Variants in SMARCA2 observed in about 807,000 individuals in gnomAD.
SMARCA2 encodes SWI/SNF-related matrix-associated actin-dependent regulator of chromatin subfamily A member 2.
SMARCA2 carries 61 observed loss-of-function variants against 199.8 expected under a neutral mutation model. The observed-to-expected ratio is 0.31, with a 90% CI of 0.25 to 0.38. The LOEUF (loss-of-function observed/expected upper bound fraction) is 0.38. Ranked by LOEUF, SMARCA2 falls within the 10% of genes least tolerant of loss-of-function variation. SMARCA2 has a pLI of 1.00. For synonymous variants in SMARCA2, 935 were observed against 732.0 expected (o/e 1.28, Z -4.48); for missense variants, 1,344 against 2,012.2 (o/e 0.67, Z 6.35).
intron 27 of SMARCA2, among the ~76,000 whole-genome samples, chr9:2,126,997 C>A (rs1199059336): frequency 6.6e-6 from 1 of 152,140 alleles, no homozygotes; most frequent in Admixed American, 6.5e-5. Context: ...TATCACAGCC[C>A]CATGGATAAA....
At chr9:2,095,434 T>C (rs67693892) in intron 19 of SMARCA2, among the ~76,000 whole-genome samples, 19,365 of 152,122 alleles carry the variant, frequency 0.13, 1,418 homozygotes, top group East Asian at 0.27. Flanking sequence ...TTTAAACATA[T>C]AACATGATCA....
chr9:2,190,892 T>A (rs1827832279), intron 32 of SMARCA2, among the ~76,000 whole-genome samples: 1 of 152,200 alleles, frequency 6.6e-6, no homozygotes, highest in African/African-American at 2.4e-5. Context: ...TTACATTTAT[T>A]TATATTTTTA....
chr9:2,182,285 T>C, intron 31 of SMARCA2, 43 bp downstream of exon 31: 2 of 1,166,708 alleles, frequency 1.7e-6, no homozygotes, highest in Non-Finnish European at 1.3e-6. Context: ...ACTGTAAATG[T>C]GCCCGTTGTT....
At chr9:2,102,102 A>G (rs928988960) in intron 22 of SMARCA2, among the ~76,000 whole-genome samples, 3 of 152,100 alleles carry the variant, frequency 2.0e-5, no homozygotes, top group African/African-American at 4.8e-5. Context: ...TTGACTTGCA[A>G]CAACAAAAAT....
At chr9:2,032,741 CAAA>C in intron 2 of SMARCA2, 1 of 405,666 alleles carries the variant, frequency 2.5e-6, no homozygotes, top group Non-Finnish European at 4.4e-6. Context: ...AACAAACAAA[CAAA>C]AAAACAACCC....
intron 27 of SMARCA2, among the ~76,000 whole-genome samples, chr9:2,138,575 C>A (rs951588441): frequency 6.6e-5 from 10 of 152,126 alleles, no homozygotes; most frequent in Non-Finnish European, 1.2e-4. Flanking sequence ...TCCCATAGTC[C>A]GTTCTTCTCT....
rs143228291 is a variant in SMARCA2 at position 2,062,102 on chromosome 9, G to A, written c.1692+1116G>A. ...AGTTAGTGAGGAACATATACGTAAG[G>A]GGGGAGGGAAGAATGATGGGGAAAT... is the stretch of plus-strand genomic sequence containing the variant. On this transcript the variant is annotated intron_variant, in intron 9 of 33. Transcript: ENST00000349721. Among the ~76,000 whole-genome samples the A allele has an allele frequency of 4.7e-3, 715 of 152,284 alleles. 6 individuals are homozygous for A. Among genetic ancestry groups the A allele is most frequent in the African/African-American group, 0.017 (694 of 41,566 alleles).
At chr9:2,137,861 A>G (rs952295103) in intron 27 of SMARCA2, among the ~76,000 whole-genome samples, 1 of 152,244 alleles carries the variant, frequency 6.6e-6, no homozygotes, top group Non-Finnish European at 1.5e-5. Flanking sequence ...CAAAGACAGT[A>G]GAATCATGTT....
intron 26 of SMARCA2, among the ~76,000 whole-genome samples, chr9:2,122,855 A>G (rs1193207970): frequency 6.6e-6 from 1 of 152,198 alleles, no homozygotes; most frequent in Non-Finnish European, 1.5e-5. Context: ...ATATAGTGGC[A>G]GTTTATTTTT....
intron 27 of SMARCA2, among the ~76,000 whole-genome samples, chr9:2,154,782 G>C (rs1038379988): frequency 1.3e-5 from 2 of 152,202 alleles, no homozygotes; most frequent in African/African-American, 4.8e-5. Flanking sequence ...TATTCTTTGT[G>C]AGCATTAAAA....
intron 6 of SMARCA2, 145 bp downstream of exon 6, chr9:2,054,868 C>A: frequency 1.3e-6 from 1 of 758,470 alleles, no homozygotes; most frequent in Non-Finnish European, 2.0e-6. Context: ...TCTTTTAGAC[C>A]AACAGCTTAC....
rs963474385 is a variant in SMARCA2 at position 2,170,625 on chromosome 9, T to G, written c.4253+153T>G. Among the ~76,000 whole-genome samples the G allele has an allele frequency of 1.3e-5, 2 of 152,190 alleles. No homozygotes were observed. Among genetic ancestry groups the G allele is most frequent in the African/African-American group, 4.8e-5 (2 of 41,424 alleles). On this transcript the variant is annotated intron_variant, in intron 29 of 33. Transcript: ENST00000349721. This position sits in a 1 kb window ranked among gnomAD's most constrained non-coding sequence, Gnocchi z 4.7. ...GAGAGCGGGATAGAGGCACAGATAC[T>G]CTTAAACAGCTGTCATGGCTTCTGA...
intron 9 of SMARCA2, among the ~76,000 whole-genome samples, chr9:2,066,764 A>T (rs762542598): frequency 2.0e-5 from 3 of 152,236 alleles, no homozygotes; most frequent in Non-Finnish European, 2.9e-5. Context: ...AACGATGCAG[A>T]TAACTACATA....
intron 9 of SMARCA2, 35 bp downstream of exon 9, chr9:2,061,021 T>C: frequency 6.3e-7 from 1 of 1,599,592 alleles, no homozygotes; most frequent in Non-Finnish European, 8.5e-7. Flanking sequence ...GAGTCCAGGG[T>C]GTATGGGCAG....
In SMARCA2 at chr9:2,119,607, G is replaced by A; in HGVS notation, c.3762+72G>A. On this transcript the variant is annotated intron_variant, in intron 26 of 33. Coordinates refer to ENST00000349721, the MANE Select transcript of SMARCA2 (RefSeq NM_003070.5). This position sits in a 1 kb window ranked among gnomAD's most constrained non-coding sequence, Gnocchi z 4.6. ...CCTTTTTCTGTTAAGCAGAATGTCT[G>A]CAGCCTGCGTGCCTGGCAGAACTTC... 2 of 1,047,434 alleles carry A rather than the reference G, an allele frequency of 1.9e-6. No individual in the cohort carries two copies. Among genetic ancestry groups the A allele is most frequent in the Non-Finnish European group, 1.5e-6 (1 of 676,782 alleles). 64.9% of individuals were successfully genotyped at this position (1,047,434 alleles called of 1,614,324 possible). A position where few individuals can be genotyped will look rare whatever the true frequency, so the allele number is the denominator to read the frequency against.
At chr9:2,184,137 C>G (rs1168496151) in intron 31 of SMARCA2, among the ~76,000 whole-genome samples, 1 of 152,112 alleles carries the variant, frequency 6.6e-6, no homozygotes, top group African/African-American at 2.4e-5. Context: ...TTGCTGAGGT[C>G]TAAGGTAAGT....
intron 27 of SMARCA2, among the ~76,000 whole-genome samples, chr9:2,127,088 C>T (rs1308906925): frequency 6.6e-6 from 1 of 152,170 alleles, no homozygotes; most frequent in Non-Finnish European, 1.5e-5. Flanking sequence ...CCTTCAAGGC[C>T]CAATTCAGTT....
At position 2,033,092 on chromosome 9, in the gene SMARCA2, G is replaced by A. The variant is rs991726998; in HGVS notation, c.355+11G>A. The A allele has an allele frequency of 5.0e-6, 8 of 1,612,852 alleles. No homozygotes were observed. In the East Asian group the frequency reaches 6.7e-5, roughly 13 times the overall value. ...ATCAACACAGCCAAGGTTTGTGTCC[G>A]CTGCACACCTGATACTGGTTCCCCA... On this transcript the variant is annotated intron_variant, in intron 3 of 33. Coordinates refer to ENST00000349721, the MANE Select transcript of SMARCA2 (RefSeq NM_003070.5).
At chr9:2,101,168 T>G (rs1283763072) in intron 21 of SMARCA2, among the ~76,000 whole-genome samples, 1 of 152,096 alleles carries the variant, frequency 6.6e-6, no homozygotes, top group African/African-American at 2.4e-5. Context: ...TCACATATAT[T>G]TATATATACA....
Sources: allele counts gnomAD v4.1 joint callset (sites outside exome capture counted in the v4.1 genomes callset), GRCh38; gene constraint gnomAD v4.1.1; non-coding constraint Gnocchi (gnomAD v3.1); transcripts MANE v1.5; gene names NCBI Gene and HGNC (gene_info 2026-07-23, HGNC 2026-07-21).